NUP98: variants seen among roughly 807,000 people sequenced by gnomAD.
NUP98 encodes nuclear pore complex protein Nup98-Nup96.
A neutral mutation model predicts 191.9 loss-of-function variants in NUP98; 26 were observed. The observed-to-expected ratio is 0.14, with a 90% CI of 0.10 to 0.19. The LOEUF (loss-of-function observed/expected upper bound fraction) is 0.19. Among genes scored for constraint, NUP98 ranks in the 10% least tolerant of loss-of-function variants. NUP98 has a pLI of 1.00. For synonymous variants in NUP98, 808 were observed against 778.4 expected (o/e 1.04, Z -0.63); for missense variants, 1,941 against 2,178.8 (o/e 0.89, Z 2.17).
chr11:3,706,681 T>G (rs76545116), intron 20 of NUP98, 54 bp from the exon 21 acceptor site: 13 of 1,468,370 alleles, frequency 8.9e-6, no homozygotes, highest in Non-Finnish European at 1.2e-5. Flanking sequence ...CAAACAGAAA[T>G]AGATTCTAAA....
chr11:3,784,862 C>T (rs575363875), intron 1 of NUP98, among the ~76,000 whole-genome samples: 16 of 152,282 alleles, frequency 1.1e-4, no homozygotes, highest in East Asian at 9.6e-4. Flanking sequence ...CTTGGCCGGG[C>T]GCGGTGGCTC....
chr11:3,788,000 A>G lies in NUP98; in HGVS notation c.-28-5855T>C, dbSNP rs78144960. Among the ~76,000 whole-genome samples the G allele has an allele frequency of 3.2e-4, 48 of 152,194 alleles. No homozygotes were observed. The East Asian group carries it at 8.5e-3, about 27-fold the overall frequency. ...AGCCAGAGTCCATCTCAAAAAAAAT[A>G]AAACACTTTACTTCCCCTCTTCCTT... is the stretch of plus-strand genomic sequence containing the variant. On this transcript the variant is annotated intron_variant, in intron 1 of 32. Coordinates refer to ENST00000324932, the MANE Select transcript of NUP98 (RefSeq NM_016320.5).
intron 1 of NUP98, among the ~76,000 whole-genome samples, chr11:3,796,789 A>C (rs1368706446): frequency 6.6e-6 from 1 of 152,184 alleles, no homozygotes; most frequent in Non-Finnish European, 1.5e-5. Context: ...GGATTGACTT[A>C]AACAATTTCT....
rs2079097067 is a variant in NUP98, at chr11:3,713,955, T to C, written c.2440A>G (p.Lys814Glu). ...CTCTTTATTAAACAACGAGATGTTT[T>C]ATCTGTTGGCCAAACTCCATCCAAT... ...VTLDGVWPTD[K>E]TSRCLIKSPD... Residue 814 changes from lysine to glutamate, a missense_variant, in exon 19 of 33, where the codon AAA (lysine) becomes GAA (glutamate). Physicochemically the swap from Lys to Glu is moderately conservative, Grantham distance 56. Around this residue, in one of 6 missense-constraint regions of NUP98, gnomAD observed 95 missense variants for 139.7 expected, o/e 0.68. Transcript: ENST00000324932. The C allele has an allele frequency of 6.2e-7, 1 of 1,614,008 alleles. No individual in the cohort carries two copies. Among genetic ancestry groups the C allele is most frequent in the Non-Finnish European group, 8.5e-7 (1 of 1,180,010 alleles).
At chr11:3,796,141 C>T (rs1004278739) in intron 1 of NUP98, among the ~76,000 whole-genome samples, 21 of 152,162 alleles carry the variant, frequency 1.4e-4, no homozygotes, top group African/African-American at 4.8e-4. Flanking sequence ...ATGATCACTG[C>T]TCTCTTTTTG....
At position 3,700,622 on chromosome 11, in the gene NUP98, G is replaced by T. The variant is rs754138198; in HGVS notation, c.3730C>A (p.Pro1244Thr). The part of the protein sequence containing the change: ...DWVKEASGDL[P>T]EAQIVKHWSL... ...AGTGTGTACTCACTTTGTGCTTCTGGTAAGTCTCCTGATGCTTCTTTAACC... is the reference window on the plus strand; with the variant it reads ...AGTGTGTACTCACTTTGTGCTTCTGTTAAGTCTCCTGATGCTTCTTTAACC... Residue 1244 changes from proline to threonine, a missense_variant, in exon 24 of 33, where the codon CCA becomes ACA. By Grantham distance (38) the Pro-to-Thr change is conservative (BLOSUM62 -1). This residue lies in a region of NUP98 where 1,030 missense variants were observed against 1,115.8 expected (regional missense o/e 0.92). Transcript: ENST00000324932. The T allele has an allele frequency of 6.2e-7, 1 of 1,611,592 alleles. No individual in the cohort carries two copies. Among genetic ancestry groups the T allele is most frequent in the South Asian group, 1.1e-5 (1 of 90,924 alleles).
chr11:3,777,418 C>T (rs927709932), intron 4 of NUP98, among the ~76,000 whole-genome samples: 1 of 151,848 alleles, frequency 6.6e-6, no homozygotes, highest in Non-Finnish European at 1.5e-5. Flanking sequence ...GTCAGGAGTT[C>T]GAGACCAGCC....
intron 14 of NUP98, among the ~76,000 whole-genome samples, chr11:3,730,244 A>T (rs1401506923): frequency 1.3e-5 from 2 of 152,118 alleles, no homozygotes; most frequent in Non-Finnish European, 2.9e-5. Context: ...AAAATAAATA[A>T]ATAAAATGCT....
chr11:3,796,528 CA>C (rs1310399467), intron 1 of NUP98, among the ~76,000 whole-genome samples: 1 of 152,212 alleles, frequency 6.6e-6, no homozygotes, highest in Non-Finnish European at 1.5e-5. Flanking sequence ...ACGAAGCTTC[CA>C]CCTTACCCGT....
intron 10 of NUP98, among the ~76,000 whole-genome samples, chr11:3,753,892 T>C (rs2080861445): frequency 6.7e-6 from 1 of 149,748 alleles, no homozygotes; most frequent in Non-Finnish European, 1.5e-5. Context: ...TGAGCCTAGA[T>C]TGCGCCACTG....
At position 3,719,337 on chromosome 11, in the gene NUP98, C is replaced by A. The variant is rs544841272; in HGVS notation, c.2399+75G>T. 42 of 1,207,894 alleles carry A rather than the reference C, an allele frequency of 3.5e-5. 1 individual carries two copies. In the South Asian group the frequency reaches 5.5e-4, roughly 16 times the overall value. The allele number at this position is 1,207,894 out of a possible 1,614,324, so 74.8% of individuals were successfully genotyped here. ...GAAAGCAAGCTACAGAAGCATACATCTAAACACATTTATGTTTACAGAAAA... is the reference window on the plus strand; with the variant it reads ...GAAAGCAAGCTACAGAAGCATACATATAAACACATTTATGTTTACAGAAAA... On this transcript the variant is annotated intron_variant, in intron 18 of 32. Coordinates refer to ENST00000324932, the MANE Select transcript of NUP98 (RefSeq NM_016320.5).
chr11:3,766,267 T>G (rs1392436765), intron 8 of NUP98, among the ~76,000 whole-genome samples: 3 of 151,820 alleles, frequency 2.0e-5, no homozygotes, highest in Non-Finnish European at 4.4e-5. Flanking sequence ...CCCAGCTACT[T>G]GGGAGGTGAG....
chr11:3,683,357 G>C lies in NUP98; in HGVS notation c.4761C>G (p.Phe1587Leu). Residue 1587 changes from phenylalanine (F) to leucine (L), a missense_variant, in exon 30 of 33, where the codon TTC becomes TTG. This residue lies in a region of NUP98 where 1,030 missense variants were observed against 1,115.8 expected (regional missense o/e 0.92). Transcript: ENST00000324932. ...ETPESWAKET[F>L]LTQKLRVPAK... ...CAGGTACACGGAGCTTCTGGGTAAG[G>C]AAAGTCTCTTTAGCCCAAGATTCAG... is the stretch of plus-strand genomic sequence containing the variant. 1 of 1,614,172 alleles carries C rather than the reference G, an allele frequency of 6.2e-7. No homozygotes were observed. The highest frequency in any genetic ancestry group is 8.5e-7 in the Non-Finnish European group (1 of 1,180,036).
intron 1 of NUP98, among the ~76,000 whole-genome samples, chr11:3,792,071 C>A (rs1305725407): frequency 6.9e-6 from 1 of 145,104 alleles, no homozygotes; most frequent in East Asian, 2.2e-4. Context: ...CCCAGCTACT[C>A]GGGAGGATGA....
intron 18 of NUP98, among the ~76,000 whole-genome samples, chr11:3,716,953 G>T (rs1463076785): frequency 6.6e-6 from 1 of 151,892 alleles, no homozygotes; most frequent in East Asian, 1.9e-4. Context: ...ATTTTGATAG[G>T]GACTGCATTA....
chr11:3,693,880 T>C (rs912318162), intron 26 of NUP98, among the ~76,000 whole-genome samples: 1 of 152,164 alleles, frequency 6.6e-6, no homozygotes, highest in South Asian at 2.1e-4. Context: ...ATAAGAGAAA[T>C]GGCTTAAAAT....
At chr11:3,676,950 G>A (rs913899523) in intron 31 of NUP98, among the ~76,000 whole-genome samples, 3 of 152,164 alleles carry the variant, frequency 2.0e-5, no homozygotes, top group Admixed American at 2.0e-4. Context: ...GAGCACACAA[G>A]GAAGTAAAAA....
At chr11:3,761,071 G>A (rs1044103086) in intron 9 of NUP98, among the ~76,000 whole-genome samples, 3 of 152,150 alleles carry the variant, frequency 2.0e-5, no homozygotes, top group African/African-American at 7.2e-5. Context: ...AATCACAAAA[G>A]ACCACATATT....
chr11:3,723,416 C>A lies in NUP98; in HGVS notation c.1887G>T (p.Gln629His), dbSNP rs759142741. 1 of 1,613,942 alleles carries A rather than the reference C, an allele frequency of 6.2e-7. No individual in the cohort carries two copies. The highest frequency in any genetic ancestry group is 1.3e-5 in the African/African-American group (1 of 74,904). ...FLSKPVDENH[Q>H]QDGDEDSLVS... is the part of the protein sequence containing the mutation. ...CAAGGGAATCTTCATCTCCATCCTG[C>A]TGGTGATTCTCATCAACAGGTTTGC... The change falls in exon 16 of 33, where the codon CAG becomes CAT. Residue 629 changes from glutamine to histidine, a missense_variant. This residue lies in a region of NUP98 where 453 missense variants were observed against 438.2 expected (regional missense o/e 1.03). Coordinates refer to ENST00000324932, the MANE Select transcript of NUP98 (RefSeq NM_016320.5).
Sources: allele counts gnomAD v4.1 joint callset (sites outside exome capture counted in the v4.1 genomes callset), GRCh38; gene constraint gnomAD v4.1.1; regional missense constraint gnomAD v4.1.1; transcripts MANE v1.5; gene names NCBI Gene and HGNC (gene_info 2026-07-23, HGNC 2026-07-21).